MOK: variants seen among roughly 807,000 people sequenced by gnomAD.
The protein encoded by MOK is MOK protein kinase.
A neutral mutation model predicts 54.2 loss-of-function variants in MOK; 59 were observed. The ratio of observed to expected loss-of-function variants is 1.09; its 90% CI spans 0.88 to 1.35. The LOEUF (loss-of-function observed/expected upper bound fraction) is 1.35, where lower values mean the gene tolerates loss of function less well. Ranked by LOEUF, MOK falls within the 40% of genes most tolerant of loss-of-function variation. The pLI, the probability that MOK is intolerant of heterozygous loss-of-function variation, is 0.00. For missense variants in MOK, 517 were observed against 526.2 expected, an observed-to-expected ratio of 0.98 and a Z score of 0.17; for synonymous variants, 210 against 202.7, an observed-to-expected ratio of 1.04 and a Z score of -0.31.
Position 102,252,111 on chromosome 14 carries a change from A to T in MOK, c.284-116T>A, listed in dbSNP as rs540488197. ...TGTGAAAATCTAAGTTCCCCTGTAA[A>T]AAATAATCTGAAGTAGTCTTAGGAA... On this transcript the variant is annotated intron_variant, in intron 4 of 11. Transcript: ENST00000361847. 5.9e-6 allele frequency: 4 copies of T among 673,260 alleles called. No homozygotes were observed. The East Asian group carries it at 1.1e-4, about 19-fold the overall frequency. The allele number at this position is 673,260 out of a possible 1,614,324, so 41.7% of individuals were successfully genotyped here. A position where few individuals can be genotyped will look rare whatever the true frequency, so the allele number is the denominator to read the frequency against.
At chr14:102,219,616 C>T (rs565642771), downstream of MOK, among the ~76,000 whole-genome samples, 42 of 152,354 alleles carry the variant, frequency 2.8e-4, no homozygotes, top group African/African-American at 9.9e-4. Context: ...CTCTGACGGG[C>T]GGGCTCCAGG....
chr14:102,259,980 C>T (rs1345062221), intron 4 of MOK, among the ~76,000 whole-genome samples: 1 of 152,122 alleles, frequency 6.6e-6, no homozygotes, highest in South Asian at 2.1e-4. Flanking sequence ...GAGTTCAAGA[C>T]CAGCCTGACC....
At chr14:102,220,583 G>A (rs534814307), downstream of MOK, among the ~76,000 whole-genome samples, 2 of 152,134 alleles carry the variant, frequency 1.3e-5, no homozygotes, top group Admixed American at 1.3e-4. This position sits in a 1 kb window ranked among gnomAD's most constrained non-coding sequence, Gnocchi z 4.2. Context: ...AGCTGGGCGT[G>A]GTGGCAGGCG....
chr14:102,220,516 G>A (rs1171900220), downstream of MOK, among the ~76,000 whole-genome samples: 1 of 152,140 alleles, frequency 6.6e-6, no homozygotes, highest in Non-Finnish European at 1.5e-5. The surrounding 1 kb of genome is among the most constrained non-coding windows in gnomAD (Gnocchi z 4.2). Flanking sequence ...GAGGTCAGGA[G>A]GTCTTCAAGA....
chr14:102,267,457 T>C (rs556574395), intron 2 of MOK, among the ~76,000 whole-genome samples: 3 of 152,150 alleles, frequency 2.0e-5, no homozygotes, highest in South Asian at 2.1e-4. Context: ...TCCCAGCCAC[T>C]TGGGAGGCAG....
Position 102,250,800 on chromosome 14 carries a change from G to C in MOK, c.590+12C>G, listed in dbSNP as rs764696041. On this transcript the variant is annotated intron_variant, in intron 7 of 11. Transcript: ENST00000361847. Reference sequence around the variant, plus strand: ...GCCGCAGGAACCAGGCAGGAGCCTGGCCTGGTGCTACCTGGCGATCTCGTA... The same window carrying C: ...GCCGCAGGAACCAGGCAGGAGCCTGCCCTGGTGCTACCTGGCGATCTCGTA... 4.3e-6 allele frequency: 7 copies of C among 1,611,614 alleles called. No individual in the cohort carries two copies. Among genetic ancestry groups the C allele is most frequent in the Admixed American group, 1.7e-5 (1 of 59,922 alleles).
At chr14:102,242,842 C>T (rs2065822679) in intron 7 of MOK, among the ~76,000 whole-genome samples, 2 of 152,170 alleles carry the variant, frequency 1.3e-5, no homozygotes, top group Admixed American at 1.3e-4. Context: ...CACAACCCCT[C>T]CACAACCCAT....
intron 1 of MOK, among the ~76,000 whole-genome samples, chr14:102,300,152 G>A (rs756765269): frequency 4.9e-4 from 75 of 151,822 alleles, no homozygotes; most frequent in Middle Eastern, 6.8e-3. Flanking sequence ...GGTGAAACCC[G>A]ATCTCTACTA....
At chr14:102,302,918 T>C (rs1030457405) in intron 1 of MOK, among the ~76,000 whole-genome samples, 2 of 151,148 alleles carry the variant, frequency 1.3e-5, no homozygotes, top group African/African-American at 4.9e-5. Flanking sequence ...TTCCAACACT[T>C]TGGGAGGCTG....
chr14:102,257,690 T>G (rs2153120455), intron 4 of MOK, among the ~76,000 whole-genome samples: 1 of 152,296 alleles, frequency 6.6e-6, no homozygotes, highest in Admixed American at 6.5e-5. Context: ...TAAGAATAAC[T>G]GTTTAGGGCT....
intron 4 of MOK, among the ~76,000 whole-genome samples, chr14:102,258,086 C>T (rs1009943042): frequency 5.3e-5 from 8 of 151,940 alleles, no homozygotes; most frequent in Admixed American, 1.3e-4. Flanking sequence ...CTATATTTTA[C>T]AAAAATTCTG....
chr14:102,276,300 T>C (rs901719274), intron 2 of MOK, among the ~76,000 whole-genome samples: 3 of 151,462 alleles, frequency 2.0e-5, no homozygotes, highest in Non-Finnish European at 4.4e-5. Context: ...CTGGCTAACA[T>C]GGTGAAACCC....
chr14:102,247,471 C>T (rs771447277), intron 7 of MOK: 5 of 152,178 alleles, frequency 3.3e-5, no homozygotes, highest in Non-Finnish European at 5.9e-5. Flanking sequence ...AGTTAATACC[C>T]GCATCCGACA....
intron 3 of MOK, 107 bp from the exon 4 acceptor site, chr14:102,263,723 C>T: frequency 4.5e-6 from 3 of 668,458 alleles, no homozygotes; most frequent in African/African-American, 1.8e-5. Context: ...TTAGGTACTC[C>T]CACATCAAAT....
chr14:102,298,789 T>G (rs2071771250), intron 1 of MOK, among the ~76,000 whole-genome samples: 1 of 152,224 alleles, frequency 6.6e-6, no homozygotes. Context: ...ACTCACTCTT[T>G]GGGTCCAGGC....
At chr14:102,243,825 C>T (rs1055179921) in intron 7 of MOK, among the ~76,000 whole-genome samples, 1 of 152,214 alleles carries the variant, frequency 6.6e-6, no homozygotes, top group African/African-American at 2.4e-5. Context: ...CATGGCAGTT[C>T]CACCAGGCCT....
At chr14:102,237,114 C>A (rs1167350173) in intron 7 of MOK, among the ~76,000 whole-genome samples, 1 of 152,210 alleles carries the variant, frequency 6.6e-6, no homozygotes. Flanking sequence ...CCTCCAGTCA[C>A]AACAACTAAC....
chr14:102,250,862 C>G lies in MOK; in HGVS notation c.540G>C (p.Thr180=). ...CGGCGCTCCACAGGTCCATCTTGTA[C>G]GTGTAGAACCCATCAGTGAGGAGAC... ...PECLLTDGFY[T]YKMDLWSAGC... Residue 180 remains threonine (T), a synonymous_variant, in exon 7 of 12, where the codon ACG becomes ACC. Coordinates refer to ENST00000361847, the MANE Select transcript of MOK (RefSeq NM_014226.3). The G allele has an allele frequency of 6.2e-7, 1 of 1,613,970 alleles. No homozygotes were observed. Among genetic ancestry groups the G allele is most frequent in the South Asian group, 1.1e-5 (1 of 91,076 alleles).
downstream of MOK, chr14:102,225,185 C>T (rs937088278): frequency 7.5e-5 from 15 of 200,114 alleles, no homozygotes; most frequent in East Asian, 1.9e-3. Context: ...CTCAGCCTCC[C>T]GAGTAGCTGG....
Sources: gnomAD v4.1 joint callset for allele counts (sites outside exome capture counted in the v4.1 genomes callset) on GRCh38, gnomAD v4.1.1 for gene constraint, Gnocchi (gnomAD v3.1) non-coding constraint, MANE v1.5 for transcripts, NCBI Gene and HGNC (gene_info 2026-07-23, HGNC 2026-07-21) for gene names.